The following FBXO22 variants were observed in gnomAD, a reference collection of about 807,000 sequenced individuals.
FBXO22 encodes the protein F-box protein 22.
Under a neutral mutation model 37.2 loss-of-function variants are expected in FBXO22, and 13 were observed. The observed-to-expected ratio is 0.35, with a 90% CI of 0.23 to 0.56. The LOEUF (loss-of-function observed/expected upper bound fraction) is 0.56, where lower values mean the gene tolerates loss of function less well. Ranked by LOEUF, FBXO22 falls within the 20% of genes least tolerant of loss-of-function variation. The pLI, the probability that FBXO22 is intolerant of heterozygous loss-of-function variation, is 0.87. For synonymous variants in FBXO22, 189 were observed against 189.1 expected, an observed-to-expected ratio of 1.00 and a Z score of 0.00; for missense variants, 446 against 509.9, an observed-to-expected ratio of 0.87 and a Z score of 1.21.
chr15:75,929,249 G>A (rs1486922465), intron 5 of FBXO22, among the ~76,000 whole-genome samples: 1 of 151,674 alleles, frequency 6.6e-6, no homozygotes, highest in Non-Finnish European at 1.5e-5. Context: ...GAGCCCACGT[G>A]GATAGACCAG....
chr15:75,941,009 A>C lies in FBXO22; in HGVS notation c.*7907A>C, dbSNP rs1479859319. On this transcript the variant is annotated 3_prime_UTR_variant, in exon 7 of 7. Coordinates refer to ENST00000308275, the MANE Select transcript of FBXO22 (RefSeq NM_147188.3). Reference sequence around the variant, plus strand: ...AACAGAGTAAAAAGATTACCTATGGAGTGGGAGGAAATAATATGCAGTTCA... The same window carrying C: ...AACAGAGTAAAAAGATTACCTATGGCGTGGGAGGAAATAATATGCAGTTCA... 1.8e-4 allele frequency: 28 copies of C among 152,182 alleles called. 1 individual carries two copies. Among genetic ancestry groups the C allele is most frequent in the Admixed American group, 1.8e-3 (28 of 15,286 alleles). The allele number at this position is 152,182 out of a possible 1,614,324, so 9.4% of individuals were successfully genotyped here.
chr15:75,931,445 C>A (rs925086132), intron 6 of FBXO22, among the ~76,000 whole-genome samples: 1 of 152,118 alleles, frequency 6.6e-6, no homozygotes, highest in Admixed American at 6.6e-5. Flanking sequence ...TTCTTTGAGG[C>A]AAGATTGACA....
chr15:75,941,940 C>G lies in FBXO22; in HGVS notation c.*8838C>G, dbSNP rs928346655. Reference sequence around the variant, plus strand: ...TTGCCACAGTAAATTTTTAAACCACCAAAAAAAAAAAAAAAAAAAAATATG... The same window carrying G: ...TTGCCACAGTAAATTTTTAAACCACGAAAAAAAAAAAAAAAAAAAAATATG... On this transcript the variant is annotated 3_prime_UTR_variant, in exon 7 of 7. Coordinates refer to ENST00000308275, the MANE Select transcript of FBXO22 (RefSeq NM_147188.3). The G allele has an allele frequency of 4.0e-5, 1 of 24,848 alleles. No individual in the cohort carries two copies. Among genetic ancestry groups the G allele is most frequent in the African/African-American group, 1.1e-4 (1 of 9,078 alleles). The allele number at this position is 24,848 out of a possible 1,614,324, so 1.5% of individuals were successfully genotyped here. A position where few individuals can be genotyped will look rare whatever the true frequency, so the allele number is the denominator to read the frequency against.
In FBXO22 at chr15:75,903,911, T is replaced by C. The variant is rs1899852123; in HGVS notation, c.-53T>C. On this transcript the variant is annotated 5_prime_UTR_variant, in exon 1 of 7. An upstream open reading frame in the 5' UTR loses its in-frame stop. Coordinates refer to ENST00000308275, the MANE Select transcript of FBXO22 (RefSeq NM_147188.3). The stretch of plus-strand genomic sequence containing the variant: ...CCGGCCGGGCAACCCTATGCTGGCG[T>C]AATCGGGTTCCTCCGAGCCGCCGTA... 1 of 1,448,100 alleles carries C rather than the reference T, an allele frequency of 6.9e-7. No homozygotes were observed. The highest frequency in any genetic ancestry group is 1.4e-5 in the South Asian group (1 of 71,496). 89.7% of individuals were successfully genotyped at this position (1,448,100 alleles called of 1,614,324 possible). A position where few individuals can be genotyped will look rare whatever the true frequency, so the allele number is the denominator to read the frequency against.
chr15:75,917,150 A>C (rs892315251), intron 4 of FBXO22, 80 bp from the exon 5 acceptor site: 3 of 1,017,954 alleles, frequency 2.9e-6, no homozygotes, highest in Middle Eastern at 2.2e-4. Flanking sequence ...TGTTAGCTTA[A>C]TGATTATCTT....
chr15:75,941,035 C>T lies in FBXO22; in HGVS notation c.*7933C>T, dbSNP rs1301523156. On this transcript the variant is annotated 3_prime_UTR_variant, in exon 7 of 7. Coordinates refer to ENST00000308275, the MANE Select transcript of FBXO22 (RefSeq NM_147188.3). ...GTGGGAGGAAATAATATGCAGTTCA[C>T]GTACCTAATAAGGATTAAACATCCA... The T allele has an allele frequency of 2.6e-5, 4 of 152,098 alleles. No individual in the cohort carries two copies. Among genetic ancestry groups the T allele is most frequent in the South Asian group, 2.1e-4 (1 of 4,830 alleles). 9.4% of individuals were successfully genotyped at this position (152,098 alleles called of 1,614,324 possible). A position where few individuals can be genotyped will look rare whatever the true frequency, so the allele number is the denominator to read the frequency against.
rs781416721 is a variant in FBXO22, at chr15:75,932,764, C to T, written c.874C>T (p.Leu292Phe). 1.2e-6 allele frequency: 2 copies of T among 1,614,244 alleles called. No individual in the cohort carries two copies. The highest frequency in any genetic ancestry group is 2.2e-5 in the South Asian group (2 of 91,084). ...CCGAATCCAGAGTGCCACTGTGCTC[C>T]TCAACGAGGACGTCAGTGATGAGAA... ...GHRIQSATVLLNEDVSDEKTA... is the reference protein window; with the variant it reads ...GHRIQSATVLFNEDVSDEKTA... The change falls in exon 7 of 7, where the codon CTC becomes TTC. Residue 292 changes from leucine (L) to phenylalanine (F), a missense_variant. This residue lies in a region of FBXO22 where 315 missense variants were observed against 410.1 expected (regional missense o/e 0.77). Coordinates refer to ENST00000308275, the MANE Select transcript of FBXO22 (RefSeq NM_147188.3).
chr15:75,904,732 C>CTTT (rs72534047), intron 2 of FBXO22, 103 bp downstream of exon 2: 8 of 1,236,460 alleles, frequency 6.5e-6, no homozygotes, highest in African/African-American at 1.5e-5. Flanking sequence ...AAAGGAACAT[C>CTTT]TCGTTCCGTG....
chr15:75,941,981 T>TC lies in FBXO22; in HGVS notation c.*8879_*8880insC, dbSNP rs1237896645. On this transcript the variant is annotated 3_prime_UTR_variant, in exon 7 of 7. Transcript: ENST00000308275. Reference sequence around the variant, plus strand: ...AAAAAATATGGCCTAGCTTTTTTTTTTTTTTTTAAAAAGGGCAGGGGGTGG... The same window carrying TC: ...AAAAAATATGGCCTAGCTTTTTTTTTCTTTTTTTAAAAAGGGCAGGGGGTGG... The TC allele has an allele frequency of 6.7e-6, 1 of 150,268 alleles. No homozygotes were observed. The highest frequency in any genetic ancestry group is 1.5e-5 in the Non-Finnish European group (1 of 67,590). The allele number at this position is 150,268 out of a possible 1,614,324, so 9.3% of individuals were successfully genotyped here.
intron 2 of FBXO22, among the ~76,000 whole-genome samples, chr15:75,912,343 G>C (rs1900077052): frequency 6.6e-6 from 1 of 152,148 alleles, no homozygotes; most frequent in Non-Finnish European, 1.5e-5. Flanking sequence ...CAGAAGGAAT[G>C]GTATTAGTTC....
chr15:75,907,757 TATCAA>T (rs1336318019), intron 2 of FBXO22, among the ~76,000 whole-genome samples: 7 of 146,924 alleles, frequency 4.8e-5, no homozygotes, highest in African/African-American at 1.9e-4. Context: ...TATTTAAAAA[TATCAA>T]ATATATAAAT....
chr15:75,933,055 A>G lies in FBXO22; in HGVS notation c.1165A>G (p.Ser389Gly), dbSNP rs536714391. 1.1e-5 allele frequency: 18 copies of G among 1,614,060 alleles called. No homozygotes were observed. Among genetic ancestry groups the G allele is most frequent in the Non-Finnish European group, 1.5e-5 (18 of 1,180,020 alleles). The change falls in exon 7 of 7, where the codon AGC (serine) becomes GGC (glycine). Residue 389 changes from serine (S) to glycine (G), a missense_variant. Transcript: ENST00000308275. The stretch of plus-strand genomic sequence containing the variant: ...GGTAAAAGATGATGATCTGTTTCAT[A>G]GCTATACAACAATAATGGCACTCAT... ...NEVKDDDLFH[S>G]YTTIMALIHL...
rs2031071402 is a variant in FBXO22 at position 75,942,295 on chromosome 15, A to T, written c.*9193A>T. The T allele has an allele frequency of 6.6e-6, 1 of 152,190 alleles. No individual in the cohort carries two copies. The highest frequency in any genetic ancestry group is 1.5e-5 in the Non-Finnish European group (1 of 68,034). 9.4% of individuals were successfully genotyped at this position (152,190 alleles called of 1,614,324 possible). A position where few individuals can be genotyped will look rare whatever the true frequency, so the allele number is the denominator to read the frequency against. ...ACATACAACAAAAAGAGGACCCTTC[A>T]TGTAAATTACAGGCTTCAGCTAGCC... On this transcript the variant is annotated 3_prime_UTR_variant, in exon 7 of 7. Coordinates refer to ENST00000308275, the MANE Select transcript of FBXO22 (RefSeq NM_147188.3).
chr15:75,929,589 T>G (rs2029937289), intron 5 of FBXO22, among the ~76,000 whole-genome samples: 1 of 152,032 alleles, frequency 6.6e-6, no homozygotes, highest in Non-Finnish European at 1.5e-5. Context: ...AGTACATAGC[T>G]GCTTCATTAT....
intron 5 of FBXO22, among the ~76,000 whole-genome samples, chr15:75,919,306 G>T (rs1900266563): frequency 6.6e-6 from 1 of 152,128 alleles, no homozygotes; most frequent in Non-Finnish European, 1.5e-5. Flanking sequence ...CTAAGAGAGT[G>T]ACTGTTAAGT....
chr15:75,933,786 T>C lies in FBXO22; in HGVS notation c.*684T>C. 3.5e-6 allele frequency: 1 copy of C among 286,576 alleles called. No individual in the cohort carries two copies. The allele number at this position is 286,576 out of a possible 1,614,324, so 17.8% of individuals were successfully genotyped here. Reference sequence around the variant, plus strand: ...TGGTAGACCAGAGTATTACATCATCTTATTTTGGTTTTATACCAATAAAAC... The same window carrying C: ...TGGTAGACCAGAGTATTACATCATCCTATTTTGGTTTTATACCAATAAAAC... On this transcript the variant is annotated 3_prime_UTR_variant, in exon 7 of 7. Coordinates refer to ENST00000308275, the MANE Select transcript of FBXO22 (RefSeq NM_147188.3).
rs113385340 is a variant in FBXO22 at position 75,936,783 on chromosome 15, AG to A, written c.*3683del. ...GAGATGGGGTTTCTCTGTGTTGGTC[AG>A]GCTGGCCTCAGACTCCAACCTCAGG... On this transcript the variant is annotated 3_prime_UTR_variant, in exon 7 of 7. Transcript: ENST00000308275. 0.016 allele frequency: 2,420 copies of A among 152,162 alleles called. 62 individuals carry two copies. Among genetic ancestry groups the A allele is most frequent in the African/African-American group, 0.055 (2,262 of 41,466 alleles). 9.4% of individuals were successfully genotyped at this position (152,162 alleles called of 1,614,324 possible).
At chr15:75,909,941 G>A (rs778781219) in intron 2 of FBXO22, among the ~76,000 whole-genome samples, 7 of 151,968 alleles carry the variant, frequency 4.6e-5, no homozygotes, top group Non-Finnish European at 1.0e-4. Context: ...GACAGGCCCT[G>A]GTGTGTGATG....
chr15:75,907,675 C>T (rs1899959044), intron 2 of FBXO22, among the ~76,000 whole-genome samples: 1 of 152,078 alleles, frequency 6.6e-6, no homozygotes, highest in Non-Finnish European at 1.5e-5. Context: ...GCAGGCAAAT[C>T]ACTTGAGGTC....
Sources: gnomAD v4.1 joint callset for allele counts (sites outside exome capture counted in the v4.1 genomes callset) on GRCh38, gnomAD v4.1.1 for gene constraint, gnomAD v4.1.1 regional missense constraint, MANE v1.5 for transcripts, NCBI Gene and HGNC (gene_info 2026-07-23, HGNC 2026-07-21) for gene names.